Variants in MTPN observed in about 807,000 individuals in gnomAD.
MTPN encodes myotrophin.
MTPN carries 2 observed loss-of-function variants against 13.5 expected under a neutral mutation model. The ratio of observed to expected loss-of-function variants is 0.15; its 90% CI spans 0.06 to 0.47. MTPN has a LOEUF of 0.47. MTPN is among the 20% of genes least tolerant of loss of function. The pLI is 0.97. For missense variants in MTPN, 79 were observed against 137.9 expected, an observed-to-expected ratio of 0.57 and a Z score of 2.14; for synonymous variants, 46 against 51.7, an observed-to-expected ratio of 0.89 and a Z score of 0.48.
intron 1 of MTPN, among the ~76,000 whole-genome samples, chr7:135,958,687 T>C (rs1205089152): frequency 6.6e-6 from 1 of 152,192 alleles, no homozygotes; most frequent in Non-Finnish European, 1.5e-5. Flanking sequence ...TTATTACTTG[T>C]GTTTAACAGT....
chr7:135,932,201 T>C (rs966374043), intron 3 of MTPN: 1 of 152,088 alleles, frequency 6.6e-6, no homozygotes, highest in Non-Finnish European at 1.5e-5. Flanking sequence ...CGGAATACTC[T>C]CTCCTAGATT....
intron 3 of MTPN, among the ~76,000 whole-genome samples, chr7:135,937,248 C>T (rs535900842): frequency 6.6e-6 from 1 of 152,172 alleles, no homozygotes; most frequent in South Asian, 2.1e-4. Flanking sequence ...TATAGTTATA[C>T]TGATAAATTG....
At chr7:135,934,769 T>G (rs1218393156) in intron 3 of MTPN, among the ~76,000 whole-genome samples, 2 of 152,174 alleles carry the variant, frequency 1.3e-5, no homozygotes, top group East Asian at 1.9e-4. Flanking sequence ...GACAGTATTA[T>G]CTCCACATTC....
At chr7:135,943,756 G>A (rs1287139896) in intron 3 of MTPN, among the ~76,000 whole-genome samples, 1 of 152,120 alleles carries the variant, frequency 6.6e-6, no homozygotes, top group African/African-American at 2.4e-5. Context: ...TTGGCTTCCT[G>A]AGGAGATAAA....
intron 3 of MTPN, among the ~76,000 whole-genome samples, chr7:135,931,398 C>A (rs1799018358): frequency 6.6e-6 from 1 of 152,078 alleles, no homozygotes; most frequent in African/African-American, 2.4e-5. Flanking sequence ...TGAGTCTTGA[C>A]AAGGAAGTAC....
intron 3 of MTPN, among the ~76,000 whole-genome samples, chr7:135,933,485 C>T (rs1301553127): frequency 2.6e-5 from 4 of 152,128 alleles, no homozygotes; most frequent in Admixed American, 6.5e-5. Context: ...TCCTAATTTG[C>T]CAGCTTTTCT....
intron 1 of MTPN, among the ~76,000 whole-genome samples, chr7:135,972,259 A>ACACACACACC (rs984456704): frequency 9.0e-6 from 1 of 111,270 alleles, no homozygotes; most frequent in African/African-American, 3.3e-5. Context: ...ACACACACAC[A>ACACACACACC]CCCCATGTAG....
intron 1 of MTPN, among the ~76,000 whole-genome samples, chr7:135,966,412 T>C (rs1799606096): frequency 6.6e-6 from 1 of 152,090 alleles, no homozygotes; most frequent in South Asian, 2.1e-4. Flanking sequence ...CCCTGCACCA[T>C]GAGAGTACCA....
chr7:135,927,560 A>G lies in MTPN; in HGVS notation c.*2366T>C, dbSNP rs1798940182. The G allele has an allele frequency of 1.4e-6, 1 of 732,780 alleles. No individual in the cohort carries two copies. Among genetic ancestry groups the G allele is most frequent in the Non-Finnish European group, 2.4e-6 (1 of 421,226 alleles). 45.4% of individuals were successfully genotyped at this position (732,780 alleles called of 1,614,324 possible). A position where few individuals can be genotyped will look rare whatever the true frequency, so the allele number is the denominator to read the frequency against. On this transcript the variant is annotated 3_prime_UTR_variant, in exon 4 of 4. Coordinates refer to ENST00000393085, the MANE Select transcript of MTPN (RefSeq NM_145808.4). ...ATGCATGTAGTACCAGAAAGCAAAC[A>G]TGGTTTTAGCTTCCTTTACTCAAAA...
chr7:135,936,673 G>A (rs1172959876), intron 3 of MTPN, among the ~76,000 whole-genome samples: 5 of 152,162 alleles, frequency 3.3e-5, no homozygotes, highest in Non-Finnish European at 1.5e-5. Flanking sequence ...TCAGGTAATT[G>A]CAACATAGAA....
intron 3 of MTPN, among the ~76,000 whole-genome samples, chr7:135,939,750 CCA>C (rs1799180481): frequency 6.6e-6 from 1 of 152,092 alleles, no homozygotes; most frequent in Non-Finnish European, 1.5e-5. Context: ...AGGGAACTTA[CCA>C]CAGTCTGTAA....
At chr7:135,940,177 A>G (rs935086475) in intron 3 of MTPN, among the ~76,000 whole-genome samples, 13 of 152,190 alleles carry the variant, frequency 8.5e-5, no homozygotes, top group Non-Finnish European at 1.8e-4. Flanking sequence ...TCAGAATCTG[A>G]AAACCTTACA....
intron 1 of MTPN, among the ~76,000 whole-genome samples, chr7:135,960,230 A>G (rs2116391962): frequency 6.6e-6 from 1 of 152,258 alleles, no homozygotes; most frequent in African/African-American, 2.4e-5. Context: ...TTTTGGGAAT[A>G]CAGAAAAGGA....
chr7:135,968,278 A>G (rs1455427628), intron 1 of MTPN, among the ~76,000 whole-genome samples: 2 of 152,178 alleles, frequency 1.3e-5, no homozygotes, highest in African/African-American at 4.8e-5. Flanking sequence ...GTGAAGCTCA[A>G]GGTTACGCTT....
At chr7:135,932,199 T>C (rs917665548) in intron 3 of MTPN, 1 of 152,148 alleles carries the variant, frequency 6.6e-6, no homozygotes, top group Non-Finnish European at 1.5e-5. Context: ...AGCGGAATAC[T>C]CTCTCCTAGA....
intron 3 of MTPN, among the ~76,000 whole-genome samples, chr7:135,936,456 G>A (rs560930428): frequency 1.3e-5 from 2 of 152,216 alleles, no homozygotes; most frequent in African/African-American, 2.4e-5. Flanking sequence ...CTGCACTCCA[G>A]CCTGGGTGAC....
chr7:135,976,923 C>CT, intron 1 of MTPN, 106 bp downstream of exon 1: 4 of 746,428 alleles, frequency 5.4e-6, no homozygotes, highest in South Asian at 4.3e-5. Context: ...CAGGAAGTCT[C>CT]TCCTCCCGCC....
chr7:135,950,730 C>A (rs754104119), intron 2 of MTPN, 48 bp from the exon 3 acceptor site: 1 of 1,429,490 alleles, frequency 7.0e-7, no homozygotes, highest in African/African-American at 1.4e-5. Context: ...TCATTTCTTC[C>A]TACTTTCTAG....
chr7:135,937,746 T>C (rs1791441999), intron 3 of MTPN, among the ~76,000 whole-genome samples: 1 of 152,134 alleles, frequency 6.6e-6, no homozygotes, highest in African/African-American at 2.4e-5. Context: ...CTTCCACCTC[T>C]TCCTCCTCTG....
Sources: allele counts gnomAD v4.1 joint callset (sites outside exome capture counted in the v4.1 genomes callset), GRCh38; gene constraint gnomAD v4.1.1; transcripts MANE v1.5; gene names NCBI Gene and HGNC (gene_info 2026-07-23, HGNC 2026-07-21).